The following UBXN7 variants were observed in gnomAD, a reference collection of about 807,000 sequenced individuals.
The protein encoded by UBXN7 is UBX domain protein 7.
Under a neutral mutation model 58.0 loss-of-function variants are expected in UBXN7, and 9 were observed. The observed-to-expected ratio is 0.16, with a 90% CI of 0.09 to 0.27. UBXN7 has a LOEUF of 0.27. Ranked by LOEUF, UBXN7 falls within the 10% of genes least tolerant of loss-of-function variation. UBXN7 has a pLI of 1.00. For synonymous variants in UBXN7, 208 were observed against 205.0 expected (o/e 1.01, Z -0.12); for missense variants, 328 against 599.6 (o/e 0.55, Z 4.73).
At chr3:196,414,985 T>A (rs1015560638) in intron 1 of UBXN7, among the ~76,000 whole-genome samples, 13 of 152,196 alleles carry the variant, frequency 8.5e-5, no homozygotes, top group Non-Finnish European at 1.6e-4. Context: ...CAGCCAACCT[T>A]ATGTAACTAA....
rs1335789096 is a variant in UBXN7, at chr3:196,371,962, G to A, written c.549C>T (p.Leu183=). The A allele has an allele frequency of 1.2e-6, 2 of 1,613,938 alleles. No homozygotes were observed. Among genetic ancestry groups the A allele is most frequent in the Non-Finnish European group, 1.7e-6 (2 of 1,180,002 alleles). Residue 183 remains leucine, a synonymous_variant, in exon 6 of 11, where the codon CTC becomes CTT. Coordinates refer to ENST00000296328, the MANE Select transcript of UBXN7 (RefSeq NM_015562.2). ...CTTCGTTGCTCCACACATCGCGGTT[G>A]AGGCACTGACATGCAAAGTCTTGAA... ...QNVQDFACQC[L]NRDVWSNEAV... is the part of the protein sequence containing the mutation.
intron 1 of UBXN7, among the ~76,000 whole-genome samples, chr3:196,427,873 T>A (rs777474023): frequency 6.6e-6 from 1 of 152,178 alleles, no homozygotes; most frequent in Non-Finnish European, 1.5e-5. Flanking sequence ...ACGCCCATAA[T>A]ACCAGCACTT....
At chr3:196,374,904 A>G (rs1162783079) in intron 5 of UBXN7, among the ~76,000 whole-genome samples, 47 of 1,100 alleles carry the variant, frequency 0.043, no homozygotes, top group East Asian at 0.11. Flanking sequence ...GGAGGGGGGG[A>G]GGGGGAGGGG....
At chr3:196,432,169 G>A (rs1577488263) in intron 1 of UBXN7, 158 bp downstream of exon 1, 1 of 1,016,514 alleles carries the variant, frequency 9.8e-7, no homozygotes, top group Non-Finnish European at 1.5e-6. Context: ...CCTGAACCCG[G>A]AGACCCCGAC....
At chr3:196,395,585 C>T (rs1198751875) in intron 3 of UBXN7, among the ~76,000 whole-genome samples, 2 of 151,912 alleles carry the variant, frequency 1.3e-5, no homozygotes, top group Non-Finnish European at 2.9e-5. Flanking sequence ...GCTGGGACTA[C>T]AAGTGTGCAG....
At chr3:196,411,613 T>G (rs1730327298) in intron 1 of UBXN7, among the ~76,000 whole-genome samples, 2 of 152,032 alleles carry the variant, frequency 1.3e-5, no homozygotes, top group African/African-American at 2.4e-5. Context: ...GGAGTTCGAG[T>G]CCACCTGACC....
At chr3:196,427,353 T>G (rs979052021) in intron 1 of UBXN7, among the ~76,000 whole-genome samples, 1 of 152,250 alleles carries the variant, frequency 6.6e-6, no homozygotes, top group Non-Finnish European at 1.5e-5. Context: ...AGTCTCGCTC[T>G]GTCGCCCAGG....
chr3:196,410,141 T>C (rs1362934398), intron 1 of UBXN7, among the ~76,000 whole-genome samples: 2 of 152,112 alleles, frequency 1.3e-5, no homozygotes, highest in East Asian at 1.9e-4. Context: ...GGTTTCACCA[T>C]GTTGGCCAGG....
At chr3:196,379,393 C>A (rs922597510) in intron 5 of UBXN7, among the ~76,000 whole-genome samples, 3 of 152,176 alleles carry the variant, frequency 2.0e-5, no homozygotes, top group Admixed American at 6.5e-5. Flanking sequence ...AATGTCTAAC[C>A]TTCTGGGAAT....
rs1364844625 is a variant in UBXN7 at position 196,362,366 on chromosome 3, C to A, written c.1156G>T (p.Ala386Ser). 6.2e-7 allele frequency: 1 copy of A among 1,614,056 alleles called. No homozygotes were observed. The highest frequency in any genetic ancestry group is 8.5e-7 in the Non-Finnish European group (1 of 1,180,032). ...GTATNHQGLP[A>S]VDSEILEMPP... ...ATCTCCAGTATCTCTGAATCCACAG[C>A]TGGCAATCCTTGGTGGTTTGTGGCT... The change falls in exon 9 of 11, where the codon GCT (alanine) becomes TCT (serine). Residue 386 changes from alanine (A) to serine (S), a missense_variant. Coordinates refer to ENST00000296328, the MANE Select transcript of UBXN7 (RefSeq NM_015562.2).
chr3:196,359,437 G>C, intron 10 of UBXN7, among the ~76,000 whole-genome samples: 1 of 152,074 alleles, frequency 6.6e-6, no homozygotes, highest in Non-Finnish European at 1.5e-5. Flanking sequence ...CCAAGTGAAA[G>C]GAAGTGTCCA....
At chr3:196,411,106 G>A (rs1467659835) in intron 1 of UBXN7, among the ~76,000 whole-genome samples, 1 of 152,128 alleles carries the variant, frequency 6.6e-6, no homozygotes, top group East Asian at 1.9e-4. Flanking sequence ...CCATCCCTGT[G>A]ATAATGTTCT....
chr3:196,355,304 G>A lies in UBXN7; in HGVS notation c.*1381C>T, dbSNP rs1728315201. On this transcript the variant is annotated 3_prime_UTR_variant, in exon 11 of 11. Coordinates refer to ENST00000296328, the MANE Select transcript of UBXN7 (RefSeq NM_015562.2). ...CCCCCCTTCAGAGGACTCCATTTAA[G>A]CTCAAAATACGAAATGAGCATAGGG... is the stretch of plus-strand genomic sequence containing the variant. The A allele has an allele frequency of 1.3e-5, 2 of 152,140 alleles. No individual in the cohort carries two copies. Among genetic ancestry groups the A allele is most frequent in the African/African-American group, 4.8e-5 (2 of 41,418 alleles). 9.4% of individuals were successfully genotyped at this position (152,140 alleles called of 1,614,324 possible).
At chr3:196,397,334 T>C (rs561853349) in intron 3 of UBXN7, among the ~76,000 whole-genome samples, 8 of 152,356 alleles carry the variant, frequency 5.3e-5, no homozygotes, top group Non-Finnish European at 8.8e-5. Flanking sequence ...CTGTTTTACA[T>C]GTCCACATAT....
chr3:196,348,088 G>C lies in UBXN7; in HGVS notation c.*8597C>G, dbSNP rs1728127648. 1 of 152,162 alleles carries C rather than the reference G, an allele frequency of 6.6e-6. No individual in the cohort carries two copies. The highest frequency in any genetic ancestry group is 1.5e-5 in the Non-Finnish European group (1 of 68,030). 9.4% of individuals were successfully genotyped at this position (152,162 alleles called of 1,614,324 possible). A position where few individuals can be genotyped will look rare whatever the true frequency, so the allele number is the denominator to read the frequency against. On this transcript the variant is annotated 3_prime_UTR_variant, in exon 11 of 11. Transcript: ENST00000296328. ...TGGAAGTTCCATTGAGTCTTAGCCAGTAGTTACAACTCTGCGTTACCTAAT... is the reference window on the plus strand; with the variant it reads ...TGGAAGTTCCATTGAGTCTTAGCCACTAGTTACAACTCTGCGTTACCTAAT...
chr3:196,431,846 G>A lies in UBXN7; in HGVS notation c.73+481C>T, dbSNP rs575644441. 1.3e-5 allele frequency: 5 copies of A among 383,070 alleles called. No homozygotes were observed. The Admixed American group carries it at 1.3e-4, about 10-fold the overall frequency. The allele number at this position is 383,070 out of a possible 1,614,324, so 23.7% of individuals were successfully genotyped here. ...AGGGCCACGGCGATGGCTCCGAGGG[G>A]CCCAGAAAGGGGAAGGGCAGGCCGG... On this transcript the variant is annotated intron_variant, in intron 1 of 10. Coordinates refer to ENST00000296328, the MANE Select transcript of UBXN7 (RefSeq NM_015562.2).
At chr3:196,409,990 G>C (rs1203720258) in intron 1 of UBXN7, among the ~76,000 whole-genome samples, 1 of 151,012 alleles carries the variant, frequency 6.6e-6, no homozygotes, top group South Asian at 2.1e-4. Context: ...ACCCAGGCTG[G>C]AGTGTAATGG....
chr3:196,431,727 A>AC (rs968342195), intron 1 of UBXN7: 2 of 444,046 alleles, frequency 4.5e-6, no homozygotes, highest in African/African-American at 2.1e-5. Flanking sequence ...CCTCCTCAGC[A>AC]CCCCCCGCTT....
intron 2 of UBXN7, among the ~76,000 whole-genome samples, chr3:196,404,080 T>G (rs1246105256): frequency 6.9e-6 from 1 of 144,756 alleles, no homozygotes; most frequent in Non-Finnish European, 1.5e-5. Flanking sequence ...AGACTCCATC[T>G]CTAAAAAAAA....
Sources: allele counts gnomAD v4.1 joint callset (sites outside exome capture counted in the v4.1 genomes callset), GRCh38; gene constraint gnomAD v4.1.1; transcripts MANE v1.5; gene names NCBI Gene and HGNC (gene_info 2026-07-23, HGNC 2026-07-21).